Variants in NIPSNAP3B observed in about 807,000 individuals in gnomAD.
NIPSNAP3B encodes the protein protein NipSnap homolog 3B.
A neutral mutation model predicts 31.5 loss-of-function variants in NIPSNAP3B; 30 were observed. The observed-to-expected ratio is 0.95, with a 90% CI of 0.71 to 1.29. The LOEUF (loss-of-function observed/expected upper bound fraction) is 1.29, where lower values mean the gene tolerates loss of function less well. NIPSNAP3B is among the 50% of genes most tolerant of loss of function. The pLI is 0.00. For missense variants in NIPSNAP3B, 269 were observed against 300.7 expected, an observed-to-expected ratio of 0.89 and a Z score of 0.78; for synonymous variants, 106 against 107.9, an observed-to-expected ratio of 0.98 and a Z score of 0.11.
At chr9:104,785,631 T>C in the NIPSNAP3B span, 8 of 1,613,758 alleles carry the variant, frequency 5.0e-6, no homozygotes, top group Non-Finnish European at 6.8e-6. Flanking sequence ...TGTATAACCA[T>C]CTCCAAACCT....
the NIPSNAP3B span, chr9:104,783,909 A>C: frequency 5.2e-6 from 1 of 191,820 alleles, no homozygotes; most frequent in Non-Finnish European, 1.1e-5. Context: ...GAGGATGTGC[A>C]TTACCTTTTG....
chr9:104,779,424 T>C (rs1828407033), downstream of NIPSNAP3B, among the ~76,000 whole-genome samples: 1 of 149,346 alleles, frequency 6.7e-6, no homozygotes, highest in Non-Finnish European at 1.5e-5. Context: ...ACAAGGTCAA[T>C]TTTAACTGAT....
chr9:104,784,342 A>G, the NIPSNAP3B span: 2 of 1,614,020 alleles, frequency 1.2e-6, no homozygotes, highest in Non-Finnish European at 1.7e-6. Context: ...TCACTTTCTC[A>G]TCCTGTAGAA....
chr9:104,790,658 A>G, the NIPSNAP3B span, among the ~76,000 whole-genome samples: 34,780 of 151,946 alleles, frequency 0.23, 5,929 homozygotes, highest in African/African-American at 0.47. Flanking sequence ...ATACTCTTAA[A>G]AAACAAGCAA....
chr9:104,788,211 CGTGTG>C, the NIPSNAP3B span, among the ~76,000 whole-genome samples: 2 of 152,204 alleles, frequency 1.3e-5, no homozygotes, highest in African/African-American at 4.8e-5. Flanking sequence ...AGAAGGGACT[CGTGTG>C]GTGGGAGCAG....
chr9:104,764,213 C>T lies in NIPSNAP3B; in HGVS notation c.-28C>T, dbSNP rs972347126. 16 of 1,593,186 alleles carry T rather than the reference C, an allele frequency of 1.0e-5. No homozygotes were observed. The highest frequency in any genetic ancestry group is 1.3e-5 in the African/African-American group (1 of 74,574). Reference sequence around the variant, plus strand: ...GAAGTCTCACAAAGGACTCGGCTGGCTGCTTTTCTCAGTGCCGAAGCCGCG... The same window carrying T: ...GAAGTCTCACAAAGGACTCGGCTGGTTGCTTTTCTCAGTGCCGAAGCCGCG... On this transcript the variant is annotated 5_prime_UTR_variant, in exon 1 of 6. Transcript: ENST00000374762.
rs1828201538 is a variant in NIPSNAP3B, at chr9:104,770,945, G to T, written c.527G>T (p.Gly176Val). The T allele has an allele frequency of 6.2e-7, 1 of 1,613,762 alleles. No individual in the cohort carries two copies. Among genetic ancestry groups the T allele is most frequent in the Non-Finnish European group, 8.5e-7 (1 of 1,179,828 alleles). The change falls in exon 4 of 6, where the codon GGC becomes GTC. Residue 176 changes from glycine to valine, a missense_variant. Transcript: ENST00000374762. ...ERAINAHVNL[G>V]YTKVVGVFHT... Reference sequence around the variant, plus strand: ...GCAATTAATGCCCATGTCAATTTAGGCTACACAAAAGTAGTTGGTGTTTTC... The same window carrying T: ...GCAATTAATGCCCATGTCAATTTAGTCTACACAAAAGTAGTTGGTGTTTTC...
At position 104,773,259 on chromosome 9, in the gene NIPSNAP3B, C is replaced by T; in HGVS notation, c.*186C>T. 1 of 601,988 alleles carries T rather than the reference C, an allele frequency of 1.7e-6. No homozygotes were observed. The highest frequency in any genetic ancestry group is 2.8e-5 in the East Asian group (1 of 35,554). 37.3% of individuals were successfully genotyped at this position (601,988 alleles called of 1,614,324 possible). ...CACTGCTTTAAGAAATAATTCAGTT[C>T]ACTTTCACCTTGGCATTTCAGTATC... On this transcript the variant is annotated 3_prime_UTR_variant, in exon 6 of 6. Transcript: ENST00000374762.
At position 104,773,814 on chromosome 9, in the gene NIPSNAP3B, G is replaced by A. The variant is rs552331656; in HGVS notation, c.*741G>A. On this transcript the variant is annotated 3_prime_UTR_variant, in exon 6 of 6. Transcript: ENST00000374762. ...AAGAAATATTTATGGTTATGGAAAC[G>A]CTTGCCCTAATAAAAATCCTGCATA... 1.1e-4 allele frequency: 16 copies of A among 152,196 alleles called. No individual in the cohort carries two copies. Among genetic ancestry groups the A allele is most frequent in the Admixed American group, 3.9e-4 (6 of 15,284 alleles). 9.4% of individuals were successfully genotyped at this position (152,196 alleles called of 1,614,324 possible).
At chr9:104,784,821 T>C in the NIPSNAP3B span, among the ~76,000 whole-genome samples, 161 of 152,216 alleles carry the variant, frequency 1.1e-3, no homozygotes, top group African/African-American at 3.6e-3. Context: ...TTTTTGTATT[T>C]TTAGTAGAGA....
chr9:104,788,994 A>G, the NIPSNAP3B span, among the ~76,000 whole-genome samples: 2 of 152,222 alleles, frequency 1.3e-5, no homozygotes, highest in Non-Finnish European at 2.9e-5. Flanking sequence ...CACAGAACCT[A>G]GAGACACAAT....
the NIPSNAP3B span, chr9:104,782,791 A>G: frequency 6.6e-6 from 1 of 152,072 alleles, no homozygotes; most frequent in South Asian, 2.1e-4. Flanking sequence ...CCTGTTGAAG[A>G]ATTCATTGTT....
At chr9:104,768,276 C>T (rs1828131017) in intron 2 of NIPSNAP3B, among the ~76,000 whole-genome samples, 1 of 152,168 alleles carries the variant, frequency 6.6e-6, no homozygotes. Flanking sequence ...AAAGAATCAG[C>T]ACTATTTCAT....
chr9:104,764,201 G>C lies in NIPSNAP3B; in HGVS notation c.-40G>C. ...GAAGACTTCAGAGAAGTCTCACAAA[G>C]GACTCGGCTGGCTGCTTTTCTCAGT... On this transcript the variant is annotated 5_prime_UTR_variant, in exon 1 of 6. Coordinates refer to ENST00000374762, the MANE Select transcript of NIPSNAP3B (RefSeq NM_018376.4). The C allele has an allele frequency of 1.3e-6, 2 of 1,573,826 alleles. No individual in the cohort carries two copies. The highest frequency in any genetic ancestry group is 1.7e-6 in the Non-Finnish European group (2 of 1,157,976).
At chr9:104,790,886 T>C in the NIPSNAP3B span, 5 of 1,378,346 alleles carry the variant, frequency 3.6e-6, no homozygotes, top group Admixed American at 6.7e-5. Flanking sequence ...AAAAACAAAG[T>C]CTTTGCAGCA....
chr9:104,790,389 A>C, the NIPSNAP3B span, among the ~76,000 whole-genome samples: 1 of 152,242 alleles, frequency 6.6e-6, no homozygotes, highest in African/African-American at 2.4e-5. Context: ...TTATTAAATA[A>C]ATTATAGGTA....
At position 104,773,975 on chromosome 9, in the gene NIPSNAP3B, G is replaced by T. The variant is rs1234089583; in HGVS notation, c.*902G>T. On this transcript the variant is annotated 3_prime_UTR_variant, in exon 6 of 6. Transcript: ENST00000374762. ...TGTTACATCAATAAAATAGCATGCT[G>T]GGAACCTGAGAAGGAAGGTTTCTTT... 1 of 152,072 alleles carries T rather than the reference G, an allele frequency of 6.6e-6. No homozygotes were observed. Among genetic ancestry groups the T allele is most frequent in the Non-Finnish European group, 1.5e-5 (1 of 68,010 alleles). The allele number at this position is 152,072 out of a possible 1,614,324, so 9.4% of individuals were successfully genotyped here.
rs1216259318 is a variant in NIPSNAP3B at position 104,775,304 on chromosome 9, A to G, written c.*2231A>G. ...TCTTCCCTCACATTATCTCTTAAAC[A>G]TTCTCTGATCACGCCAGCCAAATTG... On this transcript the variant is annotated 3_prime_UTR_variant, in exon 6 of 6. Coordinates refer to ENST00000374762, the MANE Select transcript of NIPSNAP3B (RefSeq NM_018376.4). Among the ~76,000 whole-genome samples, 3 of 151,688 alleles carry G rather than the reference A, an allele frequency of 2.0e-5. No homozygotes were observed. The highest frequency in any genetic ancestry group is 7.3e-5 in the African/African-American group (3 of 41,264).
At chr9:104,788,561 T>A in the NIPSNAP3B span, 1 of 1,614,170 alleles carries the variant, frequency 6.2e-7, no homozygotes, top group Non-Finnish European at 8.5e-7. Flanking sequence ...GGATGTTTGA[T>A]AAGATACTGC....
Sources: gnomAD v4.1 joint callset for allele counts (sites outside exome capture counted in the v4.1 genomes callset) on GRCh38, gnomAD v4.1.1 for gene constraint, MANE v1.5 for transcripts, NCBI Gene and HGNC (gene_info 2026-07-23, HGNC 2026-07-21) for gene names.